The following BMPR1B variants were observed in gnomAD, a reference collection of about 807,000 sequenced individuals.
The protein encoded by BMPR1B is bone morphogenetic protein receptor type 1B.
In BMPR1B, 12 loss-of-function variants were observed where a neutral mutation model predicts 59.1. That is an observed-to-expected ratio of 0.20 (90% confidence interval 0.13 to 0.33). The LOEUF is 0.33. BMPR1B is among the 10% of genes least tolerant of loss of function. The probability of loss-of-function intolerance (pLI) is 1.00; values close to 1 mark genes in which losing one functional copy is unlikely to be tolerated. For missense variants in BMPR1B, 550 were observed against 610.9 expected, an observed-to-expected ratio of 0.90 and a Z score of 1.05; for synonymous variants, 237 against 207.3, an observed-to-expected ratio of 1.14 and a Z score of -1.23.
At chr4:94,818,636 C>T (rs560021204) in intron 1 of BMPR1B, among the ~76,000 whole-genome samples, 5 of 152,136 alleles carry the variant, frequency 3.3e-5, no homozygotes, top group Admixed American at 1.3e-4. Flanking sequence ...TAAAATGCTC[C>T]TGAATTGTAG....
intron 2 of BMPR1B, among the ~76,000 whole-genome samples, chr4:94,921,036 A>G (rs1728667888): frequency 6.6e-6 from 1 of 152,142 alleles, no homozygotes; most frequent in Admixed American, 6.5e-5. Context: ...GCATGTACCC[A>G]CACTAATAAA....
intron 3 of BMPR1B, among the ~76,000 whole-genome samples, chr4:95,101,955 G>C (rs1730857037): frequency 6.6e-6 from 1 of 151,898 alleles, no homozygotes. Flanking sequence ...TCTTATTATA[G>C]TGGGATTTAA....
At chr4:95,143,421 A>G (rs1232825215) in intron 10 of BMPR1B, among the ~76,000 whole-genome samples, 1 of 152,130 alleles carries the variant, frequency 6.6e-6, no homozygotes, top group Non-Finnish European at 1.5e-5. Context: ...GGAAAATCAT[A>G]GTTTCGTGTG....
rs1451932251 is a variant in BMPR1B at position 94,963,600 on chromosome 4, T to C, written c.-112-32440T>C. Among the ~76,000 whole-genome samples, 4 of 152,188 alleles carry C rather than the reference T, an allele frequency of 2.6e-5. No homozygotes were observed. The East Asian group carries it at 7.7e-4, about 29-fold the overall frequency. ...CCAGCATCATTTATTGAAGAGACTGTCCTTTCCCCATTGTATATTCATGGT... is the reference window on the plus strand; with the variant it reads ...CCAGCATCATTTATTGAAGAGACTGCCCTTTCCCCATTGTATATTCATGGT... On this transcript the variant is annotated intron_variant, in intron 2 of 12. Coordinates refer to ENST00000515059, the MANE Select transcript of BMPR1B (RefSeq NM_001203.3).
intron 6 of BMPR1B, among the ~76,000 whole-genome samples, chr4:95,116,660 G>A (rs1428586140): frequency 2.0e-5 from 3 of 150,314 alleles, no homozygotes; most frequent in Non-Finnish European, 4.4e-5. Flanking sequence ...CTGTTGCCCA[G>A]GCTGGAGTGC....
intron 3 of BMPR1B, among the ~76,000 whole-genome samples, chr4:95,007,039 A>G (rs1221548303): frequency 6.6e-6 from 1 of 152,192 alleles, no homozygotes; most frequent in Non-Finnish European, 1.5e-5. Flanking sequence ...GTTGATATTT[A>G]CGAACATTAA....
chr4:94,795,822 T>G (rs955735), intron 1 of BMPR1B, among the ~76,000 whole-genome samples: 47,735 of 151,918 alleles, frequency 0.31, 8,087 homozygotes, highest in African/African-American at 0.44. Flanking sequence ...AAAATGGAGA[T>G]TTAGATGACA....
At chr4:94,941,669 T>G (rs1729519838) in intron 2 of BMPR1B, among the ~76,000 whole-genome samples, 1 of 152,144 alleles carries the variant, frequency 6.6e-6, no homozygotes, top group Admixed American at 6.5e-5. Flanking sequence ...ATCTGTAGGA[T>G]TGTTGAATTG....
chr4:95,071,053 A>C (rs776719635), intron 3 of BMPR1B, among the ~76,000 whole-genome samples: 1 of 152,194 alleles, frequency 6.6e-6, no homozygotes, highest in Non-Finnish European at 1.5e-5. Flanking sequence ...TAAATGTTTC[A>C]AGTAAGATTT....
chr4:94,933,684 G>A (rs1308045603), intron 2 of BMPR1B, among the ~76,000 whole-genome samples: 5 of 152,072 alleles, frequency 3.3e-5, no homozygotes, highest in Admixed American at 1.3e-4. Context: ...ACAGATATTT[G>A]TTATGACAGA....
intron 2 of BMPR1B, among the ~76,000 whole-genome samples, chr4:94,928,648 A>G (rs1188679244): frequency 3.3e-5 from 5 of 151,920 alleles, no homozygotes; most frequent in Non-Finnish European, 4.4e-5. Flanking sequence ...GCTAATGTGA[A>G]TAAACAGATG....
At chr4:94,943,692 A>C (rs1212073489) in intron 2 of BMPR1B, among the ~76,000 whole-genome samples, 1 of 152,208 alleles carries the variant, frequency 6.6e-6, no homozygotes, top group African/African-American at 2.4e-5. Context: ...ATTGTTTCTC[A>C]TGCTCTTCGT....
intron 3 of BMPR1B, among the ~76,000 whole-genome samples, chr4:95,075,970 A>G (rs1661194855): frequency 6.6e-6 from 1 of 152,182 alleles, no homozygotes; most frequent in African/African-American, 2.4e-5. Flanking sequence ...AGAAGAGAAG[A>G]CCCAGGCATT....
intron 3 of BMPR1B, among the ~76,000 whole-genome samples, chr4:95,102,220 T>C (rs943370095): frequency 1.3e-5 from 2 of 152,216 alleles, no homozygotes; most frequent in African/African-American, 2.4e-5. Context: ...ATGAATTGTC[T>C]CTTAAAATGT....
intron 6 of BMPR1B, among the ~76,000 whole-genome samples, chr4:95,116,421 G>GCACACACA (rs35436544): frequency 0.097 from 11,952 of 123,090 alleles, 665 homozygotes; most frequent in Non-Finnish European, 0.11. Flanking sequence ...TTCAGCGCGC[G>GCACACACA]CACACACACA....
At chr4:95,102,331 A>G (rs1730883091) in intron 3 of BMPR1B, among the ~76,000 whole-genome samples, 1 of 152,226 alleles carries the variant, frequency 6.6e-6, no homozygotes, top group Non-Finnish European at 1.5e-5. Flanking sequence ...TTTTCCCACC[A>G]GCTGGTAAAT....
chr4:94,884,904 C>T (rs983725778), intron 2 of BMPR1B, among the ~76,000 whole-genome samples: 1 of 152,158 alleles, frequency 6.6e-6, no homozygotes, highest in South Asian at 2.1e-4. Flanking sequence ...TGTACCAATT[C>T]CCAGCCTGGG....
intron 1 of BMPR1B, among the ~76,000 whole-genome samples, chr4:94,795,625 G>A (rs1419613585): frequency 1.3e-5 from 2 of 151,676 alleles, no homozygotes; most frequent in Non-Finnish European, 2.9e-5. Flanking sequence ...CACCACATCT[G>A]GCTAATTTTT....
intron 9 of BMPR1B, 66 bp from the exon 10 acceptor site, chr4:95,131,149 G>T: frequency 6.8e-7 from 1 of 1,469,364 alleles, no homozygotes; most frequent in South Asian, 1.2e-5. Context: ...AATGATGTTT[G>T]AGAATATGAA....
Sources: gnomAD v4.1 joint callset for allele counts (sites outside exome capture counted in the v4.1 genomes callset) on GRCh38, gnomAD v4.1.1 for gene constraint, MANE v1.5 for transcripts, NCBI Gene and HGNC (gene_info 2026-07-23, HGNC 2026-07-21) for gene names.